The following C1orf94 variants were observed in gnomAD, a reference collection of about 807,000 sequenced individuals.
The protein encoded by C1orf94 is chromosome 1 open reading frame 94.
A neutral mutation model predicts 53.6 loss-of-function variants in C1orf94; 45 were observed. The ratio of observed to expected loss-of-function variants is 0.84; its 90% CI spans 0.66 to 1.08. The LOEUF (loss-of-function observed/expected upper bound fraction) is 1.08. Ranked by LOEUF, C1orf94 falls within the 50% of genes least tolerant of loss-of-function variation. C1orf94 has a pLI of 0.00. For missense variants in C1orf94, 762 were observed against 738.9 expected (o/e 1.03, Z -0.36); for synonymous variants, 304 against 296.1 (o/e 1.03, Z -0.27).
chr1:34,173,517 G>A (rs1249015374), upstream of C1orf94, among the ~76,000 whole-genome samples: 1 of 152,172 alleles, frequency 6.6e-6, no homozygotes, highest in Non-Finnish European at 1.5e-5. Flanking sequence ...GAGGTAAGGA[G>A]AATTGCCTCC....
At chr1:34,191,296 A>G (rs1249684794) in intron 1 of C1orf94, among the ~76,000 whole-genome samples, 1 of 152,218 alleles carries the variant, frequency 6.6e-6, no homozygotes, top group African/African-American at 2.4e-5. Flanking sequence ...TGCTTAGCAC[A>G]GTGCCTGGCT....
At chr1:34,180,601 T>G (rs1434548279) in intron 1 of C1orf94, among the ~76,000 whole-genome samples, 1 of 152,234 alleles carries the variant, frequency 6.6e-6, no homozygotes, top group Non-Finnish European at 1.5e-5. Flanking sequence ...GGCAATAATG[T>G]CGGCTGTCCT....
chr1:34,199,865 C>T (rs1014927378), intron 2 of C1orf94, among the ~76,000 whole-genome samples: 4 of 152,204 alleles, frequency 2.6e-5, no homozygotes, highest in Non-Finnish European at 4.4e-5. Context: ...TCCCTGCCTG[C>T]CATGCCTTCC....
chr1:34,191,700 C>T (rs1361070694), intron 1 of C1orf94, among the ~76,000 whole-genome samples: 1 of 152,060 alleles, frequency 6.6e-6, no homozygotes, highest in Non-Finnish European at 1.5e-5. Context: ...GTTTTGGTAT[C>T]CTCCTCCAGC....
intron 5 of C1orf94, among the ~76,000 whole-genome samples, chr1:34,210,245 T>C (rs752261545): frequency 6.6e-6 from 1 of 152,204 alleles, no homozygotes; most frequent in Non-Finnish European, 1.5e-5. Flanking sequence ...TGCTGACCCA[T>C]AGGGTCATGA....
chr1:34,183,491 G>A (rs779157729), intron 1 of C1orf94, among the ~76,000 whole-genome samples: 2 of 152,244 alleles, frequency 1.3e-5, no homozygotes, highest in Non-Finnish European at 2.9e-5. Context: ...AAGCAGAACA[G>A]AAGCCTTTCC....
chr1:34,214,476 G>A (rs973073454), intron 6 of C1orf94, among the ~76,000 whole-genome samples: 2 of 152,120 alleles, frequency 1.3e-5, no homozygotes, highest in African/African-American at 4.8e-5. Flanking sequence ...TGGCTCTAGG[G>A]GCCTATGGGA....
upstream of C1orf94, among the ~76,000 whole-genome samples, chr1:34,174,462 C>T (rs902913118): frequency 1.3e-5 from 2 of 152,064 alleles, no homozygotes; most frequent in African/African-American, 2.4e-5. Context: ...CAATCCTAAA[C>T]CAAATACCTC....
intron 1 of C1orf94, among the ~76,000 whole-genome samples, chr1:34,189,994 A>C (rs926412052): frequency 1.3e-5 from 2 of 152,142 alleles, no homozygotes; most frequent in Non-Finnish European, 2.9e-5. Context: ...GGAGGGGGTA[A>C]GAGGGGAGAT....
chr1:34,204,593 C>A (rs922039789), intron 4 of C1orf94, among the ~76,000 whole-genome samples: 21 of 152,114 alleles, frequency 1.4e-4, no homozygotes, highest in Non-Finnish European at 2.4e-4. Flanking sequence ...TTTTTGTGTG[C>A]CTATTCACTA....
At chr1:34,209,621 C>T (rs1642857952) in intron 5 of C1orf94, among the ~76,000 whole-genome samples, 1 of 152,164 alleles carries the variant, frequency 6.6e-6, no homozygotes, top group African/African-American at 2.4e-5. Context: ...CAAACCGCAC[C>T]TCTGACCTGA....
At chr1:34,198,794 G>A (rs1031672775) in intron 2 of C1orf94, among the ~76,000 whole-genome samples, 1 of 152,228 alleles carries the variant, frequency 6.6e-6, no homozygotes, top group Admixed American at 6.5e-5. Flanking sequence ...GGAAGGCCAA[G>A]GAATCAGAGC....
At chr1:34,176,129 G>C (rs1035145080), upstream of C1orf94, among the ~76,000 whole-genome samples, 1 of 152,078 alleles carries the variant, frequency 6.6e-6, no homozygotes, top group East Asian at 1.9e-4. Context: ...AGGAGGGGTT[G>C]CATCAGTACT....
intron 2 of C1orf94, among the ~76,000 whole-genome samples, chr1:34,198,494 C>T (rs1642641483): frequency 6.6e-6 from 1 of 152,186 alleles, no homozygotes; most frequent in Non-Finnish European, 1.5e-5. Flanking sequence ...GGAAAGCCAG[C>T]CACCTCCCAA....
chr1:34,195,560 C>T (rs889957200), intron 1 of C1orf94, among the ~76,000 whole-genome samples: 4 of 152,086 alleles, frequency 2.6e-5, no homozygotes, highest in Non-Finnish European at 5.9e-5. Context: ...GTCTTTAGTA[C>T]ATAGCTCTTC....
At chr1:34,174,583 G>C (rs1335830812), upstream of C1orf94, among the ~76,000 whole-genome samples, 1 of 152,068 alleles carries the variant, frequency 6.6e-6, no homozygotes, top group African/African-American at 2.4e-5. Flanking sequence ...TCCTTTAAAG[G>C]AGTGATTAGG....
chr1:34,182,486 G>C (rs1335854), intron 1 of C1orf94, among the ~76,000 whole-genome samples: 2 of 152,176 alleles, frequency 1.3e-5, no homozygotes, highest in Admixed American at 6.5e-5. Context: ...GTTTGTAAGT[G>C]TGTGGGAGAG....
intron 1 of C1orf94, among the ~76,000 whole-genome samples, chr1:34,182,970 A>G (rs775722056): frequency 6.6e-6 from 1 of 152,184 alleles, no homozygotes; most frequent in African/African-American, 2.4e-5. Flanking sequence ...TTAGACTCCA[A>G]AGATCTCCAG....
intron 1 of C1orf94, among the ~76,000 whole-genome samples, chr1:34,186,040 C>T (rs1012640659): frequency 2.0e-4 from 31 of 152,222 alleles, no homozygotes; most frequent in African/African-American, 7.2e-4. Context: ...AGTGTGTTGT[C>T]CTCTGAATTC....
Sources: allele counts gnomAD v4.1 joint callset (sites outside exome capture counted in the v4.1 genomes callset), GRCh38; gene constraint gnomAD v4.1.1; transcripts MANE v1.5; gene names NCBI Gene and HGNC (gene_info 2026-07-23, HGNC 2026-07-21).